Variants in STRA8 observed in about 807,000 individuals in gnomAD.
STRA8 encodes the protein stimulated by retinoic acid gene 8 protein homolog.
Under a neutral mutation model 37.1 loss-of-function variants are expected in STRA8, and 18 were observed. The ratio of observed to expected loss-of-function variants is 0.48; its 90% CI spans 0.34 to 0.72. The LOEUF (loss-of-function observed/expected upper bound fraction) is 0.72. STRA8 is among the 30% of genes least tolerant of loss of function. The pLI is 0.01. For missense variants in STRA8, 357 were observed against 410.4 expected, an observed-to-expected ratio of 0.87 and a Z score of 1.13; for synonymous variants, 168 against 162.9, an observed-to-expected ratio of 1.03 and a Z score of -0.24.
At chr7:135,254,983 G>C (rs964325140) in intron 7 of STRA8, 131 bp from the exon 8 acceptor site, 2 of 727,084 alleles carry the variant, frequency 2.8e-6, no homozygotes, top group African/African-American at 3.5e-5. Flanking sequence ...TTCAAGGAGA[G>C]GTCTGGGCTG....
chr7:135,240,808 C>T (rs1832453301), intron 2 of STRA8, 92 bp downstream of exon 2: 1 of 1,401,062 alleles, frequency 7.1e-7, no homozygotes, highest in South Asian at 1.3e-5. Context: ...CAGGGACTGG[C>T]CTGGAGCTGC....
At position 135,251,653 on chromosome 7, in the gene STRA8, G is replaced by A. The variant is rs148839730; in HGVS notation, c.880-143G>A. 7.2e-4 allele frequency: 543 copies of A among 751,968 alleles called. 2 individuals are homozygous for A. In the African/African-American group the frequency reaches 7.9e-3, roughly 11 times the overall value. The allele number at this position is 751,968 out of a possible 1,614,324, so 46.6% of individuals were successfully genotyped here. ...GAAGAACAGCAAGCAGAGCCCCTGGGTGTGGGCCCCAGCTCTGACATGCAT... is the reference window on the plus strand; with the variant it reads ...GAAGAACAGCAAGCAGAGCCCCTGGATGTGGGCCCCAGCTCTGACATGCAT... On this transcript the variant is annotated intron_variant, in intron 6 of 8. Coordinates refer to ENST00000662584, the MANE Select transcript of STRA8 (RefSeq NM_001394401.1).
intron 7 of STRA8, among the ~76,000 whole-genome samples, chr7:135,253,931 C>T (rs1832671313): frequency 6.6e-6 from 1 of 152,172 alleles, no homozygotes; most frequent in Non-Finnish European, 1.5e-5. Context: ...GCCTTGGGGC[C>T]ACAGCTGTCC....
At chr7:135,234,939 T>C (rs922612477) in intron 1 of STRA8, among the ~76,000 whole-genome samples, 2 of 152,176 alleles carry the variant, frequency 1.3e-5, no homozygotes, top group African/African-American at 4.8e-5. Flanking sequence ...TGCAGTAGCA[T>C]GATCTCAGCT....
At chr7:135,253,507 G>A (rs983043813) in intron 7 of STRA8, among the ~76,000 whole-genome samples, 14 of 152,210 alleles carry the variant, frequency 9.2e-5, no homozygotes, top group Non-Finnish European at 8.8e-5. Flanking sequence ...TGGGCCCTGA[G>A]TTTAGGGGAC....
intron 1 of STRA8, among the ~76,000 whole-genome samples, chr7:135,236,208 C>A (rs1832374605): frequency 6.6e-6 from 1 of 151,976 alleles, no homozygotes; most frequent in Non-Finnish European, 1.5e-5. Context: ...TTCACTTGAA[C>A]CCAGGCATTT....
At chr7:135,248,725 A>G (rs1832599947) in intron 6 of STRA8, among the ~76,000 whole-genome samples, 1 of 152,238 alleles carries the variant, frequency 6.6e-6, no homozygotes, top group Non-Finnish European at 1.5e-5. Flanking sequence ...GACACACTGA[A>G]TCAGAGCCTC....
upstream of STRA8, among the ~76,000 whole-genome samples, chr7:135,232,347 G>C (rs1229248791): frequency 6.6e-6 from 1 of 151,928 alleles, no homozygotes; most frequent in African/African-American, 2.4e-5. Flanking sequence ...GAGTGGGGTG[G>C]TGACAATTTC....
Position 135,258,558 on chromosome 7 carries a change from C to A in STRA8, c.*66C>A. 1 of 1,407,368 alleles carries A rather than the reference C, an allele frequency of 7.1e-7. No homozygotes were observed. The highest frequency in any genetic ancestry group is 1.3e-5 in the South Asian group (1 of 78,932). The allele number at this position is 1,407,368 out of a possible 1,614,324, so 87.2% of individuals were successfully genotyped here. A position where few individuals can be genotyped will look rare whatever the true frequency, so the allele number is the denominator to read the frequency against. Reference sequence around the variant, plus strand: ...GGCAGTTCCCAAGGTTGAATGCTGGCAGCTAAGGTTGCACCTGCCTTGGCC... The same window carrying A: ...GGCAGTTCCCAAGGTTGAATGCTGGAAGCTAAGGTTGCACCTGCCTTGGCC... On this transcript the variant is annotated 3_prime_UTR_variant, in exon 9 of 9. Transcript: ENST00000662584.
intron 6 of STRA8, among the ~76,000 whole-genome samples, chr7:135,251,391 C>G (rs764454244): frequency 6.6e-6 from 1 of 152,168 alleles, no homozygotes; most frequent in Non-Finnish European, 1.5e-5. Context: ...TTCAGCTGTC[C>G]TGGCATGAGA....
chr7:135,245,666 C>T (rs928488421), intron 5 of STRA8, among the ~76,000 whole-genome samples, 139 bp downstream of exon 5: 1 of 152,060 alleles, frequency 6.6e-6, no homozygotes, highest in Non-Finnish European at 1.5e-5. Flanking sequence ...CCCTGAATCA[C>T]GAAATCTCCA....
In STRA8 at chr7:135,240,621, C is replaced by T. The variant is rs765416789; in HGVS notation, c.97C>T (p.Arg33Trp). The T allele has an allele frequency of 4.6e-5, 75 of 1,614,026 alleles. No homozygotes were observed. The highest frequency in any genetic ancestry group is 6.0e-5 in the Non-Finnish European group (71 of 1,180,040). The change falls in exon 2 of 9, where the codon CGG (arginine) becomes TGG (tryptophan). Residue 33 changes from arginine to tryptophan, a missense_variant. Physicochemically the swap from Arg to Trp is moderately radical, Grantham distance 101. Coordinates refer to ENST00000662584, the MANE Select transcript of STRA8 (RefSeq NM_001394401.1). ...QELEHRVARR[R>W]LSQARHRATL... ...GCTTGAGCATCGGGTGGCCCGGAGA[C>T]GGCTGTCCCAGGCCCGCCACCGAGC... is the stretch of plus-strand genomic sequence containing the variant.
chr7:135,235,179 C>T (rs149204522), intron 1 of STRA8, among the ~76,000 whole-genome samples: 171 of 152,160 alleles, frequency 1.1e-3, no homozygotes, highest in Admixed American at 1.8e-3. Flanking sequence ...GGCAGCAATA[C>T]GTTTTTTAAA....
At chr7:135,258,381 G>C (rs1832732099) in intron 8 of STRA8, 37 bp from the exon 9 acceptor site, 2 of 1,559,328 alleles carry the variant, frequency 1.3e-6, no homozygotes, top group Admixed American at 1.9e-5. Flanking sequence ...AAGACCCACA[G>C]ATAAAAAGTG....
At chr7:135,231,926 G>A (rs1832298807), upstream of STRA8, 15 of 1,532,236 alleles carry the variant, frequency 9.8e-6, no homozygotes, top group Non-Finnish European at 1.3e-5. Flanking sequence ...GAGCTAGTGA[G>A]AGGCCACCAG....
At position 135,246,088 on chromosome 7, in the gene STRA8, G is replaced by A; in HGVS notation, c.594-329G>A. On this transcript the variant is annotated intron_variant, in intron 5 of 8. Coordinates refer to ENST00000662584, the MANE Select transcript of STRA8 (RefSeq NM_001394401.1). This position sits in a 1 kb window ranked among gnomAD's most constrained non-coding sequence, Gnocchi z 5.4. ...TCCTATCATGCCAGCACATTCATGG[G>A]CTCAGAATTTTCAAGAATATTCCCT... The A allele has an allele frequency of 5.5e-6, 2 of 360,642 alleles. No individual in the cohort carries two copies. 22.3% of individuals were successfully genotyped at this position (360,642 alleles called of 1,614,324 possible). A position where few individuals can be genotyped will look rare whatever the true frequency, so the allele number is the denominator to read the frequency against.
At chr7:135,252,305 C>G (rs928418482) in intron 7 of STRA8, among the ~76,000 whole-genome samples, 1 of 152,122 alleles carries the variant, frequency 6.6e-6, no homozygotes, top group Non-Finnish European at 1.5e-5. Flanking sequence ...GTGCTACACA[C>G]TTTTCAAATA....
intron 7 of STRA8, 122 bp downstream of exon 7, chr7:135,251,991 GGAGAC>G (rs2117820567): frequency 8.3e-5 from 68 of 819,916 alleles, no homozygotes; most frequent in Non-Finnish European, 1.3e-4. Context: ...GACAGAGAGA[GGAGAC>G]AGAGGGAGAG....
chr7:135,246,325 G>A lies in STRA8; in HGVS notation c.594-92G>A. On this transcript the variant is annotated intron_variant, in intron 5 of 8. Coordinates refer to ENST00000662584, the MANE Select transcript of STRA8 (RefSeq NM_001394401.1). This position sits in a 1 kb window ranked among gnomAD's most constrained non-coding sequence, Gnocchi z 5.4. ...TGGTGAGCCGTGGCGCCGTGGCCGG[G>A]CCTGCGTGCTGGGGTCCACACCATG... 1 of 1,519,116 alleles carries A rather than the reference G, an allele frequency of 6.6e-7. No individual in the cohort carries two copies. The highest frequency in any genetic ancestry group is 1.2e-5 in the South Asian group (1 of 82,724). The allele number at this position is 1,519,116 out of a possible 1,614,324, so 94.1% of individuals were successfully genotyped here. A position where few individuals can be genotyped will look rare whatever the true frequency, so the allele number is the denominator to read the frequency against.
Sources: gnomAD v4.1 joint callset for allele counts (sites outside exome capture counted in the v4.1 genomes callset) on GRCh38, gnomAD v4.1.1 for gene constraint, Gnocchi (gnomAD v3.1) non-coding constraint, MANE v1.5 for transcripts, NCBI Gene and HGNC (gene_info 2026-07-23, HGNC 2026-07-21) for gene names.